The following LOXHD1 variants were observed in gnomAD, a reference collection of about 807,000 sequenced individuals.
LOXHD1 encodes lipoxygenase homology domain-containing protein 1.
A neutral mutation model predicts 248.2 loss-of-function variants in LOXHD1; 205 were observed. The observed-to-expected ratio is 0.83, with a 90% CI of 0.74 to 0.93. The LOEUF (loss-of-function observed/expected upper bound fraction) is 0.93, where lower values mean the gene tolerates loss of function less well. Among genes scored for constraint, LOXHD1 ranks in the 40% least tolerant of loss-of-function variants. LOXHD1 has a pLI of 0.00. For synonymous variants in LOXHD1, 1,113 were observed against 1,162.8 expected, an observed-to-expected ratio of 0.96 and a Z score of 0.87; for missense variants, 2,930 against 2,971.6, an observed-to-expected ratio of 0.99 and a Z score of 0.33.
chr18:46,622,848 C>G (rs1374735436), intron 4 of LOXHD1, among the ~76,000 whole-genome samples: 1 of 152,150 alleles, frequency 6.6e-6, no homozygotes, highest in Non-Finnish European at 1.5e-5. Context: ...GAGGGCAGCA[C>G]CGCTTCTGCA....
In LOXHD1 at chr18:46,502,536, A is replaced by C. The variant is rs371219477; in HGVS notation, c.5878+3302T>G. ...TGTCAAGCATCTGGATGTTTGTAGC[A>C]GGCCAGGTTGAAAATAGGCACCAAG... On this transcript the variant is annotated intron_variant, in intron 37 of 40. Transcript: ENST00000642948. 2.0e-5 allele frequency among the ~76,000 whole-genome samples: 3 copies of C among 152,260 alleles called. No homozygotes were observed. In the East Asian group the frequency reaches 5.8e-4, roughly 29 times the overall value.
At chr18:46,600,534 G>T (rs1397748892) in intron 8 of LOXHD1, among the ~76,000 whole-genome samples, 3 of 150,790 alleles carry the variant, frequency 2.0e-5, no homozygotes, top group Non-Finnish European at 3.0e-5. Flanking sequence ...GGAGGTGGAG[G>T]TTGCAGTGAG....
chr18:46,648,151 C>T lies in LOXHD1; in HGVS notation c.245+1004G>A, dbSNP rs182901836. Among the ~76,000 whole-genome samples, 443 of 152,092 alleles carry T rather than the reference C, an allele frequency of 2.9e-3. 1 individual carries two copies. The highest frequency in any genetic ancestry group is 4.9e-3 in the Non-Finnish European group (334 of 67,968). On this transcript the variant is annotated intron_variant, in intron 2 of 40. Coordinates refer to ENST00000642948, the MANE Select transcript of LOXHD1 (RefSeq NM_001384474.1). The stretch of plus-strand genomic sequence containing the variant: ...CACACGCCTGTAGTTCCAGCTACTC[C>T]GGAGGCTGAGGCAGGAGAATCGCTT...
At chr18:46,497,976 AT>A (rs2033982857) in intron 37 of LOXHD1, among the ~76,000 whole-genome samples, 1 of 152,244 alleles carries the variant, frequency 6.6e-6, no homozygotes, top group Non-Finnish European at 1.5e-5. Context: ...CTGGAATTAA[AT>A]GACAATTGCA....
intron 4 of LOXHD1, among the ~76,000 whole-genome samples, chr18:46,622,128 C>T (rs2038676546): frequency 6.6e-6 from 1 of 152,178 alleles, no homozygotes; most frequent in Non-Finnish European, 1.5e-5. Context: ...TCCCAGGATA[C>T]CCCAGGCCTC....
chr18:46,529,347 G>A lies in LOXHD1; in HGVS notation c.4376-16C>T. Reference sequence around the variant, plus strand: ...TACAGCACAACTGGGCAGGTGGTGGGACAGACAGACAGACAAAGGGAAGAA... The same window carrying A: ...TACAGCACAACTGGGCAGGTGGTGGAACAGACAGACAGACAAAGGGAAGAA... On this transcript the variant is annotated splice_polypyrimidine_tract_variant and intron_variant, in intron 28 of 40. Transcript: ENST00000642948. The A allele has an allele frequency of 6.6e-7, 1 of 1,512,100 alleles. No homozygotes were observed. The highest frequency in any genetic ancestry group is 2.5e-5 in the East Asian group (1 of 39,840). The allele number at this position is 1,512,100 out of a possible 1,614,324, so 93.7% of individuals were successfully genotyped here.
intron 18 of LOXHD1, among the ~76,000 whole-genome samples, chr18:46,561,768 A>T (rs1488273248): frequency 6.6e-6 from 1 of 152,202 alleles, no homozygotes; most frequent in Non-Finnish European, 1.5e-5. Flanking sequence ...GGGAGAGTGG[A>T]ATTTATACTT....
intron 15 of LOXHD1, 21 bp from the exon 16 acceptor site, chr18:46,569,659 G>A (rs1231397382): frequency 3.2e-6 from 5 of 1,540,006 alleles, no homozygotes; most frequent in Non-Finnish European, 4.4e-6. Context: ...CAAGGCAGAG[G>A]GAGGAAGGGA....
intron 37 of LOXHD1, among the ~76,000 whole-genome samples, chr18:46,504,017 C>T (rs2143854728): frequency 7.8e-6 from 1 of 127,828 alleles, no homozygotes; most frequent in East Asian, 3.1e-4. Context: ...ACATTCAAAC[C>T]TCACTAGACT....
chr18:46,540,063 A>G (rs183882607), intron 25 of LOXHD1, among the ~76,000 whole-genome samples: 10 of 152,360 alleles, frequency 6.6e-5, no homozygotes, highest in African/African-American at 2.4e-4. Context: ...TGTACTGAGC[A>G]TGCTATGGTC....
rs1319488340 is a variant in LOXHD1 at position 46,593,636 on chromosome 18, G to C, written c.1395C>G (p.Asn465Lys). 1.9e-6 allele frequency: 3 copies of C among 1,552,260 alleles called. No homozygotes were observed. The highest frequency in any genetic ancestry group is 2.4e-5 in the East Asian group (1 of 40,920). The change falls in exon 10 of 41, where the codon AAC becomes AAG. Residue 465 changes from asparagine to lysine, a missense_variant. Coordinates refer to ENST00000642948, the MANE Select transcript of LOXHD1 (RefSeq NM_001384474.1). ...CGATTATGCCGGGTTTGAACCACTT[G>C]TTGTTGGGATTCAGGAGAATCTCAT... ...RTDEILLNPN[N>K]KWFKPGIIEK...
chr18:46,630,495 C>T (rs970667296), intron 4 of LOXHD1, among the ~76,000 whole-genome samples: 2 of 152,238 alleles, frequency 1.3e-5, no homozygotes, highest in African/African-American at 4.8e-5. Flanking sequence ...CCAGCCCAAG[C>T]TCCTTCAAGA....
chr18:46,653,196 G>A (rs796156248), intron 1 of LOXHD1, among the ~76,000 whole-genome samples: 5 of 152,242 alleles, frequency 3.3e-5, no homozygotes, highest in African/African-American at 1.2e-4. Flanking sequence ...GCAGTGAGGC[G>A]AGATCACGCC....
chr18:46,529,123 A>G, intron 29 of LOXHD1, 54 bp downstream of exon 29: 2 of 1,546,902 alleles, frequency 1.3e-6, no homozygotes, highest in Non-Finnish European at 1.7e-6. Context: ...TGGCACCTAG[A>G]TCGCTGGGCC....
At chr18:46,544,288 C>T (rs1008254451) in intron 23 of LOXHD1, among the ~76,000 whole-genome samples, 1 of 152,190 alleles carries the variant, frequency 6.6e-6, no homozygotes, top group Non-Finnish European at 1.5e-5. Context: ...CAAAAAAGGA[C>T]AGGTCTTAGT....
chr18:46,546,750 G>A (rs2036858339), intron 22 of LOXHD1, 145 bp downstream of exon 22: 2 of 918,456 alleles, frequency 2.2e-6, no homozygotes, highest in Admixed American at 5.8e-5. Flanking sequence ...TCTTGCCACA[G>A]AGGAATGAGA....
chr18:46,607,214 A>AT (rs2038428206), intron 6 of LOXHD1, among the ~76,000 whole-genome samples: 1 of 151,910 alleles, frequency 6.6e-6, no homozygotes, highest in Non-Finnish European at 1.5e-5. Flanking sequence ...CATTATATTT[A>AT]AATAACATGG....
chr18:46,634,365 G>A (rs1359994078), intron 4 of LOXHD1, among the ~76,000 whole-genome samples: 1 of 152,176 alleles, frequency 6.6e-6, no homozygotes, highest in Non-Finnish European at 1.5e-5. Context: ...GTACAGTTGG[G>A]TATCCCTAAC....
Position 46,601,278 on chromosome 18 carries a change from AG to A in LOXHD1, c.1072del (p.Leu358Ter). 6.4e-7 allele frequency: 1 copy of A among 1,551,720 alleles called. No individual in the cohort carries two copies. Among genetic ancestry groups the A allele is most frequent in the Non-Finnish European group, 8.7e-7 (1 of 1,146,992 alleles). On this transcript the variant is annotated frameshift_variant, in exon 8 of 41. Transcript: ENST00000642948. LOFTEE classifies it high-confidence loss of function. ...HIELAVLLSP[L>X]SRVSVGHGNV... ...GCCATGCCCGACGGAGACCCGACTC[AG>A]GGGGCTAAGGAGGACAGCCAGCTCG...
Sources: gnomAD v4.1 joint callset for allele counts (sites outside exome capture counted in the v4.1 genomes callset) on GRCh38, gnomAD v4.1.1 for gene constraint, MANE v1.5 for transcripts, NCBI Gene and HGNC (gene_info 2026-07-23, HGNC 2026-07-21) for gene names.